The following SLC36A4 variants were observed in gnomAD, a reference collection of about 807,000 sequenced individuals.
The protein encoded by SLC36A4 is solute carrier family 36 member 4.
A neutral mutation model predicts 50.5 loss-of-function variants in SLC36A4; 49 were observed. The ratio of observed to expected loss-of-function variants is 0.97; its 90% CI spans 0.77 to 1.23. SLC36A4 has a LOEUF of 1.23. Ranked by LOEUF, SLC36A4 falls within the 50% of genes most tolerant of loss-of-function variation. SLC36A4 has a pLI of 0.00. For missense variants in SLC36A4, 611 were observed against 608.4 expected, an observed-to-expected ratio of 1.00 and a Z score of -0.05; for synonymous variants, 207 against 206.5, an observed-to-expected ratio of 1.00 and a Z score of -0.02.
intron 9 of SLC36A4, among the ~76,000 whole-genome samples, chr11:93,157,479 T>A (rs1009820605): frequency 6.6e-6 from 1 of 152,232 alleles, no homozygotes; most frequent in African/African-American, 2.4e-5. Context: ...TCCATGAGCA[T>A]GGAATGTTTT....
At chr11:93,173,850 C>T (rs1861313111) in intron 6 of SLC36A4, among the ~76,000 whole-genome samples, 1 of 132,664 alleles carries the variant, frequency 7.5e-6, no homozygotes, top group Non-Finnish European at 1.6e-5. Context: ...GTTACTGTAG[C>T]CTTGTAGTAT....
rs1420839854 is a variant in SLC36A4, at chr11:93,148,616, G to A, written c.1436C>T (p.Thr479Ile). Residue 479 changes from threonine to isoleucine, a missense_variant, in exon 11 of 11, where the codon ACT becomes ATT. By Grantham distance (89) the Thr-to-Ile change is moderately conservative. Coordinates refer to ENST00000326402, the MANE Select transcript of SLC36A4 (RefSeq NM_152313.4). ...YITVEEIIYP[T>I]PKVVAGTPQS... Reference sequence around the variant, plus strand: ...TGGAGTGCCAGCTACAACTTTGGGAGTAGGATAAATAATTTCTTCAACAGT... The same window carrying A: ...TGGAGTGCCAGCTACAACTTTGGGAATAGGATAAATAATTTCTTCAACAGT... The A allele has an allele frequency of 2.5e-6, 4 of 1,612,668 alleles. No homozygotes were observed. Among genetic ancestry groups the A allele is most frequent in the Non-Finnish European group, 3.4e-6 (4 of 1,179,172 alleles).
intron 6 of SLC36A4, 47 bp downstream of exon 6, chr11:93,180,750 A>G: frequency 7.5e-7 from 1 of 1,325,114 alleles, no homozygotes. Flanking sequence ...AGCCATAACT[A>G]GGGCTTTAGA....
At chr11:93,192,829 T>C (rs887889457) in intron 1 of SLC36A4, among the ~76,000 whole-genome samples, 9 of 152,124 alleles carry the variant, frequency 5.9e-5, no homozygotes, top group African/African-American at 2.2e-4. Flanking sequence ...ATCATCTGAT[T>C]TACATTTTAA....
intron 10 of SLC36A4, 61 bp downstream of exon 10, chr11:93,154,047 T>C (rs1176516721): frequency 1.7e-5 from 13 of 781,900 alleles, no homozygotes; most frequent in East Asian, 3.4e-5. Context: ...ACATCTTATA[T>C]AGCTTTCAAG....
At chr11:93,154,387 G>A in intron 9 of SLC36A4, 110 bp from the exon 10 acceptor site, 1 of 479,328 alleles carries the variant, frequency 2.1e-6, no homozygotes, top group Non-Finnish European at 3.4e-6. Flanking sequence ...AATTAGGCCA[G>A]AACCTTACTA....
chr11:93,193,051 C>T, intron 1 of SLC36A4: 1 of 706,592 alleles, frequency 1.4e-6, no homozygotes, highest in Non-Finnish European at 1.7e-6. Flanking sequence ...TCAATAAACA[C>T]TTTTTTTGTC....
chr11:93,149,342 A>T (rs116604332), intron 10 of SLC36A4, among the ~76,000 whole-genome samples: 237 of 152,222 alleles, frequency 1.6e-3, no homozygotes, highest in African/African-American at 5.4e-3. Flanking sequence ...AGAGTCACTG[A>T]TGAATGCTGA....
At chr11:93,164,998 A>T (rs941774168) in intron 8 of SLC36A4, among the ~76,000 whole-genome samples, 1 of 152,188 alleles carries the variant, frequency 6.6e-6, no homozygotes, top group Non-Finnish European at 1.5e-5. Context: ...ACAGTTAACT[A>T]GTGCTCATGA....
Position 93,182,869 on chromosome 11 carries a change from A to G in SLC36A4, c.296T>C (p.Ile99Thr), listed in dbSNP as rs1306057914. The stretch of plus-strand genomic sequence containing the variant: ...CATACAGTGAACAGAAATAATTCCT[A>G]TAAACACAAGGCTGATTGGTCCAAG... Reference protein sequence around the residue: ...IVLGPISLVFIGIISVHCMHI... With the variant: ...IVLGPISLVFTGIISVHCMHI... The change falls in exon 4 of 11, where the codon ATA (isoleucine) becomes ACA (threonine). Residue 99 changes from isoleucine to threonine, a missense_variant. Physicochemically the swap from Ile to Thr is moderately conservative, Grantham distance 89. Coordinates refer to ENST00000326402, the MANE Select transcript of SLC36A4 (RefSeq NM_152313.4). 8 of 1,612,634 alleles carry G rather than the reference A, an allele frequency of 5.0e-6. No homozygotes were observed. The highest frequency in any genetic ancestry group is 6.8e-6 in the Non-Finnish European group (8 of 1,179,374).
intron 9 of SLC36A4, among the ~76,000 whole-genome samples, chr11:93,158,847 GAAT>G (rs1189724287): frequency 6.6e-6 from 1 of 151,980 alleles, no homozygotes; most frequent in Non-Finnish European, 1.5e-5. Flanking sequence ...TCTTTCTAAA[GAAT>G]AATAAACTTT....
Position 93,169,207 on chromosome 11 carries a change from CACTT to C in SLC36A4, c.541-1040_541-1037del, listed in dbSNP as rs571506113. 3.9e-5 allele frequency among the ~76,000 whole-genome samples: 6 copies of C among 152,220 alleles called. No homozygotes were observed. In the South Asian group the frequency reaches 1.2e-3, roughly 32 times the overall value. On this transcript the variant is annotated intron_variant, in intron 6 of 10. Transcript: ENST00000326402. ...ACTACATGCTTTATATACAACATCT[CACTT>C]AATCCTCAAAATGACTCTCTAAAGT... is the stretch of plus-strand genomic sequence containing the variant.
intron 10 of SLC36A4, 76 bp from the exon 11 acceptor site, chr11:93,148,920 C>T: frequency 7.9e-7 from 1 of 1,267,984 alleles, no homozygotes; most frequent in Non-Finnish European, 1.1e-6. Flanking sequence ...TAAGTATTTT[C>T]AATACTGAAA....
intron 6 of SLC36A4, 101 bp from the exon 7 acceptor site, chr11:93,168,272 C>T: frequency 1.9e-6 from 1 of 531,310 alleles, no homozygotes; most frequent in East Asian, 3.3e-5. Context: ...ATACACTCTA[C>T]AATAAATTCC....
At chr11:93,149,187 G>T (rs927133549) in intron 10 of SLC36A4, among the ~76,000 whole-genome samples, 1 of 152,032 alleles carries the variant, frequency 6.6e-6, no homozygotes, top group South Asian at 2.1e-4. Flanking sequence ...GCTCAATAAC[G>T]CACAAGACAT....
rs901351016 is a variant in SLC36A4, at chr11:93,197,943, G to T, written c.-111C>A. 1.8e-6 allele frequency: 2 copies of T among 1,125,470 alleles called. No homozygotes were observed. The highest frequency in any genetic ancestry group is 2.4e-6 in the Non-Finnish European group (2 of 847,798). The allele number at this position is 1,125,470 out of a possible 1,614,324, so 69.7% of individuals were successfully genotyped here. On this transcript the variant is annotated 5_prime_UTR_variant, in exon 1 of 11. Coordinates refer to ENST00000326402, the MANE Select transcript of SLC36A4 (RefSeq NM_152313.4). Reference sequence around the variant, plus strand: ...CTGCCCGGAGGGACCCGCGCCTGGTGCCCGCCTCCCTGCCCCGGCGCTCCC... The same window carrying T: ...CTGCCCGGAGGGACCCGCGCCTGGTTCCCGCCTCCCTGCCCCGGCGCTCCC...
In SLC36A4 at chr11:93,197,833, C is replaced by T; in HGVS notation, c.-1G>A. The T allele has an allele frequency of 6.4e-7, 1 of 1,571,350 alleles. No individual in the cohort carries two copies. Among genetic ancestry groups the T allele is most frequent in the Non-Finnish European group, 8.6e-7 (1 of 1,166,790 alleles). On this transcript the variant is annotated 5_prime_UTR_variant, in exon 1 of 11. Coordinates refer to ENST00000326402, the MANE Select transcript of SLC36A4 (RefSeq NM_152313.4). ...CCGCCGGCGTCGCCGCCGCTTCCAT[C>T]TCTCGCGGGTCTCCAGGACGCCGCC...
chr11:93,177,725 C>T (rs1861547568), intron 6 of SLC36A4, among the ~76,000 whole-genome samples: 1 of 152,188 alleles, frequency 6.6e-6, no homozygotes, highest in Non-Finnish European at 1.5e-5. Flanking sequence ...CCTGATCCTT[C>T]CTCTGGAAGC....
At chr11:93,184,061 A>G (rs538506552) in intron 3 of SLC36A4, among the ~76,000 whole-genome samples, 1 of 152,292 alleles carries the variant, frequency 6.6e-6, no homozygotes, top group East Asian at 1.9e-4. Flanking sequence ...AAACTATACA[A>G]TGTCACGTTA....
Sources: allele counts gnomAD v4.1 joint callset (sites outside exome capture counted in the v4.1 genomes callset), GRCh38; gene constraint gnomAD v4.1.1; transcripts MANE v1.5; gene names NCBI Gene and HGNC (gene_info 2026-07-23, HGNC 2026-07-21).